ASTN2: variants seen among roughly 807,000 people sequenced by gnomAD.
ASTN2 encodes astrotactin 2, also known as astrotactin-2.
In ASTN2, 54 loss-of-function variants were observed where a neutral mutation model predicts 139.8. That is an observed-to-expected ratio of 0.39 (90% CI 0.31 to 0.48). The LOEUF (loss-of-function observed/expected upper bound fraction) is 0.48, where lower values mean the gene tolerates loss of function less well. Ranked by LOEUF, ASTN2 falls within the 20% of genes least tolerant of loss-of-function variation. The pLI, the probability that ASTN2 is intolerant of heterozygous loss-of-function variation, is 0.95. For missense variants in ASTN2, 1,565 were observed against 1,725.1 expected (o/e 0.91, Z 1.64); for synonymous variants, 756 against 719.5 (o/e 1.05, Z -0.81).
intron 10 of ASTN2, among the ~76,000 whole-genome samples, chr9:116,963,576 T>C (rs1377944514): frequency 6.6e-6 from 1 of 152,068 alleles, no homozygotes; most frequent in Non-Finnish European, 1.5e-5. Flanking sequence ...CTGAAAGCAG[T>C]GAGACTACGT....
Position 117,127,946 on chromosome 9 carries a change from C to G in ASTN2, c.1168+13380G>C, listed in dbSNP as rs556706167. 9.2e-5 allele frequency among the ~76,000 whole-genome samples: 14 copies of G among 152,160 alleles called. No homozygotes were observed. In the South Asian group the frequency reaches 2.9e-3, roughly 32 times the overall value. ...CCACCCGCCTCGGCCTCCCAAAGTG[C>G]TGGGATTACAGGCGTGAGCCACCGC... is the stretch of plus-strand genomic sequence containing the variant. On this transcript the variant is annotated intron_variant, in intron 4 of 22. Coordinates refer to ENST00000313400, the MANE Select transcript of ASTN2 (RefSeq NM_001365068.1).
At chr9:117,317,779 G>A (rs989151692) in intron 1 of ASTN2, among the ~76,000 whole-genome samples, 6 of 152,120 alleles carry the variant, frequency 3.9e-5, no homozygotes, top group Non-Finnish European at 7.4e-5. Flanking sequence ...ACTGATGAGA[G>A]GATGCCCCAG....
chr9:117,183,499 G>A (rs917002166), intron 3 of ASTN2, among the ~76,000 whole-genome samples: 1 of 152,130 alleles, frequency 6.6e-6, no homozygotes, highest in Admixed American at 6.5e-5. Flanking sequence ...AACAACTCGG[G>A]TATCCACATC....
chr9:117,076,695 G>T (rs969313141), intron 5 of ASTN2, among the ~76,000 whole-genome samples: 3 of 152,080 alleles, frequency 2.0e-5, no homozygotes, highest in Admixed American at 1.3e-4. Flanking sequence ...AGCGGGGGTG[G>T]AGGGAGAGAG....
Position 116,870,401 on chromosome 9 carries a change from A to G in ASTN2, c.1890-6668T>C, listed in dbSNP as rs180994192. ...AGAAATGTGTTTTCCAAACTCTAAA[A>G]CCTAATGCAAACTTATTCATTGTTT... On this transcript the variant is annotated intron_variant, in intron 10 of 22. Coordinates refer to ENST00000313400, the MANE Select transcript of ASTN2 (RefSeq NM_001365068.1). Among the ~76,000 whole-genome samples, 3 of 152,204 alleles carry G rather than the reference A, an allele frequency of 2.0e-5. 1 individual carries two copies. Among genetic ancestry groups the G allele is most frequent in the Admixed American group, 2.0e-4 (3 of 15,298 alleles).
At chr9:116,592,620 A>G (rs1854421259) in intron 19 of ASTN2, among the ~76,000 whole-genome samples, 2 of 152,124 alleles carry the variant, frequency 1.3e-5, no homozygotes, top group Non-Finnish European at 2.9e-5. Flanking sequence ...GTTTTCAAGT[A>G]TTTTCCATTT....
At chr9:116,803,253 T>C (rs1830915471) in intron 13 of ASTN2, among the ~76,000 whole-genome samples, 1 of 151,320 alleles carries the variant, frequency 6.6e-6, no homozygotes, top group African/African-American at 2.4e-5. Flanking sequence ...AATCTCAGCA[T>C]TGAACTGCAA....
At chr9:117,306,221 T>A (rs1834994788) in intron 1 of ASTN2, among the ~76,000 whole-genome samples, 1 of 152,156 alleles carries the variant, frequency 6.6e-6, no homozygotes, top group Non-Finnish European at 1.5e-5. Context: ...GTAGACTTTG[T>A]CAACTCAGCA....
chr9:117,050,021 T>G (rs974314873), intron 5 of ASTN2, among the ~76,000 whole-genome samples: 1 of 152,128 alleles, frequency 6.6e-6, no homozygotes. Context: ...TAGGTGACTA[T>G]CAATCGACTG....
At chr9:116,576,795 A>C (rs1048823990) in intron 19 of ASTN2, among the ~76,000 whole-genome samples, 2 of 152,080 alleles carry the variant, frequency 1.3e-5, no homozygotes, top group Admixed American at 6.6e-5. Flanking sequence ...TTGATCCCAT[A>C]ATCACACAAA....
At chr9:116,935,330 G>A (rs987727991) in intron 10 of ASTN2, among the ~76,000 whole-genome samples, 1 of 152,178 alleles carries the variant, frequency 6.6e-6, no homozygotes, top group Admixed American at 6.5e-5. Context: ...ATAGCTGTGT[G>A]ACCTTGGGCA....
intron 16 of ASTN2, among the ~76,000 whole-genome samples, chr9:116,684,473 G>A (rs1860076838): frequency 1.3e-5 from 2 of 152,154 alleles, no homozygotes; most frequent in Non-Finnish European, 2.9e-5. Flanking sequence ...GAAGTCGCCA[G>A]ACTAATGCTT....
intron 12 of ASTN2, among the ~76,000 whole-genome samples, chr9:116,812,722 T>A (rs188161900): frequency 1.7e-4 from 26 of 152,094 alleles, no homozygotes; most frequent in African/African-American, 6.3e-4. Context: ...CCCATGGAGG[T>A]ATGTCTAGTC....
intron 19 of ASTN2, among the ~76,000 whole-genome samples, chr9:116,565,375 CTCTCTCTCTCTCCATATATATA>C (rs1853142280): frequency 9.8e-5 from 3 of 30,602 alleles, no homozygotes; most frequent in African/African-American, 4.7e-4. Flanking sequence ...CTCTCTCTCT[CTCTCTCTCTCTCCATATATATA>C]TATATATATA....
At chr9:117,284,804 G>T (rs1834408193) in intron 2 of ASTN2, among the ~76,000 whole-genome samples, 1 of 152,148 alleles carries the variant, frequency 6.6e-6, no homozygotes, top group Non-Finnish European at 1.5e-5. Flanking sequence ...TCTTTAGACA[G>T]GTAATTCCAT....
At chr9:117,040,865 A>G (rs1222493640) in intron 5 of ASTN2, among the ~76,000 whole-genome samples, 1 of 152,224 alleles carries the variant, frequency 6.6e-6, no homozygotes, top group Non-Finnish European at 1.5e-5. Flanking sequence ...TCACGGTTAG[A>G]AGCTGATCAG....
intron 3 of ASTN2, among the ~76,000 whole-genome samples, chr9:117,177,644 A>C (rs1305674077): frequency 6.6e-6 from 1 of 152,222 alleles, no homozygotes; most frequent in Non-Finnish European, 1.5e-5. Context: ...GCATCTTCTC[A>C]GTCATTGATC....
chr9:116,619,911 C>T (rs1241956503), intron 18 of ASTN2, among the ~76,000 whole-genome samples: 1 of 152,048 alleles, frequency 6.6e-6, no homozygotes, highest in African/African-American at 2.4e-5. Flanking sequence ...TCCCTGAGTA[C>T]ATGGACTGTG....
At chr9:116,863,219 A>T (rs1832936935) in intron 11 of ASTN2, among the ~76,000 whole-genome samples, 1 of 152,134 alleles carries the variant, frequency 6.6e-6, no homozygotes. Context: ...ACCTGTCCAT[A>T]CTAGTTACAC....
Sources: allele counts gnomAD v4.1 joint callset (sites outside exome capture counted in the v4.1 genomes callset), GRCh38; gene constraint gnomAD v4.1.1; transcripts MANE v1.5; gene names NCBI Gene and HGNC (gene_info 2026-07-23, HGNC 2026-07-21).